Variants in PRDM11 observed in about 807,000 individuals in gnomAD.
PRDM11 encodes the protein PR/SET domain 11, also known as PR domain-containing protein 11.
Under a neutral mutation model 97.8 loss-of-function variants are expected in PRDM11, and 20 were observed. That is an observed-to-expected ratio of 0.20 (90% confidence interval 0.14 to 0.30). The LOEUF is 0.30. Ranked by LOEUF, PRDM11 falls within the 10% of genes least tolerant of loss-of-function variation. PRDM11 has a pLI of 1.00. For synonymous variants in PRDM11, 599 were observed against 637.7 expected, an observed-to-expected ratio of 0.94 and a Z score of 0.91; for missense variants, 1,139 against 1,555.2, an observed-to-expected ratio of 0.73 and a Z score of 4.50.
At chr11:45,216,967 T>C (rs979446404) in intron 5 of PRDM11, among the ~76,000 whole-genome samples, 11 of 152,220 alleles carry the variant, frequency 7.2e-5, no homozygotes, top group African/African-American at 1.4e-4. Flanking sequence ...GGTGGTTGTT[T>C]AGAAACTGGA....
At position 45,219,584 on chromosome 11, in the gene PRDM11, C is replaced by G. The variant is rs144135078; in HGVS notation, c.569C>G (p.Ser190Cys). Residue 190 changes from serine (S) to cysteine (C), a missense_variant, in exon 6 of 8, where the codon TCC becomes TGC. By Grantham distance (112) the Ser-to-Cys change is moderately radical. This residue lies in a region of PRDM11 where 429 missense variants were observed against 510.3 expected (regional missense o/e 0.84). Coordinates refer to ENST00000683152, the MANE Select transcript of PRDM11 (RefSeq NM_001384648.1). The surrounding 1 kb of genome is among the most constrained non-coding windows in gnomAD (Gnocchi z 4.2). ...CTCCCCACCAGGTACGTGGTCATCT[C>G]CCGGGAGGAGAGGGAGCAGAACCTG... ...KANWMRYVVI[S>C]REEREQNLLA... 2.0e-4 allele frequency: 321 copies of G among 1,613,732 alleles called. 1 individual carries two copies. Among genetic ancestry groups the G allele is most frequent in the Non-Finnish European group, 2.3e-4 (269 of 1,179,830 alleles).
chr11:45,147,051 CGGGGT>C (rs1486193831), intron 1 of PRDM11, among the ~76,000 whole-genome samples, 174 bp downstream of exon 1: 1 of 126,166 alleles, frequency 7.9e-6, no homozygotes, highest in Non-Finnish European at 1.7e-5. Context: ...GGCGCCGGCG[CGGGGT>C]GGGGGGCGGC....
intron 1 of PRDM11, among the ~76,000 whole-genome samples, chr11:45,169,331 C>T (rs1852145370): frequency 6.6e-6 from 1 of 152,180 alleles, no homozygotes; most frequent in African/African-American, 2.4e-5. Context: ...CTCCTCTAGC[C>T]CTCAGTCTAG....
At chr11:45,209,012 G>A (rs902157586) in intron 5 of PRDM11, 3 of 456,560 alleles carry the variant, frequency 6.6e-6, no homozygotes, top group Non-Finnish European at 1.3e-5. Flanking sequence ...ATGCTGACAG[G>A]GACAAGATTT....
At chr11:45,225,139 G>A (rs1049781560) in intron 7 of PRDM11, 1 of 1,389,888 alleles carries the variant, frequency 7.2e-7, no homozygotes, top group African/African-American at 1.4e-5. Flanking sequence ...TGGTACTGGT[G>A]TCTTACCCCA....
intron 1 of PRDM11, among the ~76,000 whole-genome samples, chr11:45,150,919 T>C (rs1444862569): frequency 1.3e-5 from 2 of 152,196 alleles, no homozygotes; most frequent in African/African-American, 2.4e-5. Flanking sequence ...GTTTCACAGA[T>C]TGAGAGACTA....
chr11:45,198,893 C>A (rs1418435483), intron 4 of PRDM11, among the ~76,000 whole-genome samples: 1 of 152,184 alleles, frequency 6.6e-6, no homozygotes, highest in Non-Finnish European at 1.5e-5. Context: ...TCCAGCTTCC[C>A]GTGTGGAAAA....
chr11:45,222,039 T>G (rs1165443366), intron 6 of PRDM11, among the ~76,000 whole-genome samples: 1 of 152,200 alleles, frequency 6.6e-6, no homozygotes, highest in Non-Finnish European at 1.5e-5. Context: ...TCTTATTAAG[T>G]AGGGATATTG....
intron 4 of PRDM11, 87 bp from the exon 5 acceptor site, chr11:45,204,624 A>G: frequency 7.9e-7 from 1 of 1,261,014 alleles, no homozygotes; most frequent in Non-Finnish European, 1.2e-6. Flanking sequence ...AGGTGGGACC[A>G]GGCCCTGGGC....
chr11:45,213,243 G>A lies in PRDM11; in HGVS notation c.555-6327G>A, dbSNP rs546829589. On this transcript the variant is annotated intron_variant, in intron 5 of 7. Coordinates refer to ENST00000683152, the MANE Select transcript of PRDM11 (RefSeq NM_001384648.1). The stretch of plus-strand genomic sequence containing the variant: ...TCAGACCCGCACCCTCATCTTTGGC[G>A]GATGCTGAAGATGCAAGAAAAGCCA... 61 of 456,522 alleles carry A rather than the reference G, an allele frequency of 1.3e-4. 1 individual carries two copies. The highest frequency in any genetic ancestry group is 1.3e-3 in the Middle Eastern group (4 of 3,070). 28.3% of individuals were successfully genotyped at this position (456,522 alleles called of 1,614,324 possible). A position where few individuals can be genotyped will look rare whatever the true frequency, so the allele number is the denominator to read the frequency against.
intron 1 of PRDM11, among the ~76,000 whole-genome samples, chr11:45,119,596 T>G (rs1344118442): frequency 8.8e-6 from 1 of 113,854 alleles, no homozygotes; most frequent in Non-Finnish European, 1.6e-5. Flanking sequence ...CACTCCAACC[T>G]GGGTGACAGC....
chr11:45,170,091 C>G (rs1382983422), intron 1 of PRDM11, among the ~76,000 whole-genome samples: 2 of 152,146 alleles, frequency 1.3e-5, no homozygotes, highest in African/African-American at 2.4e-5. Context: ...GCCTATAATG[C>G]CAGCACTTTG....
chr11:45,099,450 T>TAA (rs532403075), intron 1 of PRDM11, among the ~76,000 whole-genome samples: 3,768 of 95,136 alleles, frequency 0.04, 131 homozygotes, highest in Middle Eastern at 0.08. Context: ...GACTCCATCT[T>TAA]AAAAAAAAAA....
At chr11:45,120,589 A>C (rs768514487) in intron 1 of PRDM11, among the ~76,000 whole-genome samples, 1 of 152,158 alleles carries the variant, frequency 6.6e-6, no homozygotes, top group African/African-American at 2.4e-5. Context: ...TATATCCACT[A>C]AAATGTCCTT....
At chr11:45,099,450 TAAAAAAAAAAA>T (rs532403075) in intron 1 of PRDM11, among the ~76,000 whole-genome samples, 3 of 95,242 alleles carry the variant, frequency 3.1e-5, no homozygotes, top group Admixed American at 2.4e-4. Context: ...GACTCCATCT[TAAAAAAAAAAA>T]AAAAAAAAAA....
Position 45,229,630 on chromosome 11 carries a change from C to T in PRDM11, c.*1471C>T, listed in dbSNP as rs1854359792. On this transcript the variant is annotated 3_prime_UTR_variant, in exon 8 of 8. Transcript: ENST00000683152. The stretch of plus-strand genomic sequence containing the variant: ...CAATGCTCTTTCATTCATTTAACTA[C>T]CGGTATACCTCGCAAGGGAGTTTTA... The T allele has an allele frequency of 6.6e-6, 1 of 152,188 alleles. No homozygotes were observed. The highest frequency in any genetic ancestry group is 1.5e-5 in the Non-Finnish European group (1 of 68,032). 9.4% of individuals were successfully genotyped at this position (152,188 alleles called of 1,614,324 possible).
intron 1 of PRDM11, among the ~76,000 whole-genome samples, chr11:45,124,409 C>G (rs928431516): frequency 9.1e-4 from 139 of 152,148 alleles, no homozygotes; most frequent in Non-Finnish European, 1.7e-3. Flanking sequence ...GAGGGCATCC[C>G]TGTCTTGTGC....
At chr11:45,131,500 T>G (rs1035098421) in intron 1 of PRDM11, among the ~76,000 whole-genome samples, 4 of 152,226 alleles carry the variant, frequency 2.6e-5, no homozygotes, top group African/African-American at 7.2e-5. Context: ...ATACAACCAT[T>G]ACCCAATATT....
chr11:45,155,032 G>A (rs1851757545), intron 1 of PRDM11, among the ~76,000 whole-genome samples: 1 of 152,210 alleles, frequency 6.6e-6, no homozygotes, highest in African/African-American at 2.4e-5. Context: ...GTAGAAAGGG[G>A]GGTAGTGGCC....
Sources: allele counts gnomAD v4.1 joint callset (sites outside exome capture counted in the v4.1 genomes callset), GRCh38; gene constraint gnomAD v4.1.1; regional missense constraint gnomAD v4.1.1; non-coding constraint Gnocchi (gnomAD v3.1); transcripts MANE v1.5; gene names NCBI Gene and HGNC (gene_info 2026-07-23, HGNC 2026-07-21).